Variants in ADCY10 observed in about 807,000 individuals in gnomAD.
ADCY10 encodes the protein adenylate cyclase 10, also known as adenylate cyclase type 10.
A neutral mutation model predicts 183.3 loss-of-function variants in ADCY10; 156 were observed. The observed-to-expected ratio is 0.85, with a 90% CI of 0.75 to 0.97. ADCY10 has a LOEUF of 0.97. Ranked by LOEUF, ADCY10 falls within the 50% of genes least tolerant of loss-of-function variation. ADCY10 has a pLI of 0.00. For missense variants in ADCY10, 1,745 were observed against 1,934.3 expected (o/e 0.90, Z 1.84); for synonymous variants, 645 against 670.0 (o/e 0.96, Z 0.58).
chr1:167,847,747 G>A (rs1171445274), intron 19 of ADCY10, among the ~76,000 whole-genome samples: 5 of 152,056 alleles, frequency 3.3e-5, no homozygotes, highest in South Asian at 2.1e-4. Flanking sequence ...ATATAAACTC[G>A]TTTGTCATTT....
intron 18 of ADCY10, among the ~76,000 whole-genome samples, chr1:167,850,699 G>GTGTGTA (rs1665414973): frequency 6.8e-6 from 1 of 146,968 alleles, no homozygotes; most frequent in African/African-American, 2.5e-5. Context: ...GTGTGTGTGT[G>GTGTGTA]TGTGTGTGTT....
At chr1:167,828,265 G>A (rs1393212956) in intron 26 of ADCY10, among the ~76,000 whole-genome samples, 1 of 152,174 alleles carries the variant, frequency 6.6e-6, no homozygotes, top group Non-Finnish European at 1.5e-5. Flanking sequence ...GTATCCATTG[G>A]TAAACAGATT....
At chr1:167,811,916 A>G (rs1489185312) in intron 31 of ADCY10, among the ~76,000 whole-genome samples, 1 of 152,170 alleles carries the variant, frequency 6.6e-6, no homozygotes, top group Non-Finnish European at 1.5e-5. Context: ...ATCTGTCAGA[A>G]TGTAACTATT....
Position 167,809,616 on chromosome 1 carries a change from A to G in ADCY10, c.*62T>C. 6.3e-7 allele frequency: 1 copy of G among 1,580,656 alleles called. No individual in the cohort carries two copies. The highest frequency in any genetic ancestry group is 1.1e-5 in the South Asian group (1 of 90,154). The stretch of plus-strand genomic sequence containing the variant: ...ACCTGGAGTGGGCCAGCCACGGAGA[A>G]AGGTCAATAATAGATAATCACAAGG... On this transcript the variant is annotated 3_prime_UTR_variant, in exon 33 of 33. Transcript: ENST00000367851.
chr1:167,822,975 C>G (rs778997686), intron 29 of ADCY10, 33 bp downstream of exon 29: 2 of 1,592,974 alleles, frequency 1.3e-6, no homozygotes, highest in South Asian at 2.2e-5. Context: ...ATCAACACCC[C>G]CAAGTTCTTT....
chr1:167,906,619 C>G lies in ADCY10; in HGVS notation c.-58-1421G>C, dbSNP rs527278000. Among the ~76,000 whole-genome samples the G allele has an allele frequency of 5.6e-3, 673 of 119,568 alleles. 9 individuals carry two copies. The highest frequency in any genetic ancestry group is 0.022 in the African/African-American group (637 of 28,474). The allele number at this position is 119,568 out of a possible 152,430, so 78.4% of individuals were successfully genotyped here. ...TGGGCAACATAGTGAAATCCCATCT[C>G]TACAAAAAAAAAAAAAAAAAATTGC... On this transcript the variant is annotated intron_variant, in intron 1 of 32. Transcript: ENST00000367851.
intron 8 of ADCY10, among the ~76,000 whole-genome samples, chr1:167,888,390 A>G (rs1452507471): frequency 2.0e-5 from 3 of 151,982 alleles, no homozygotes; most frequent in Non-Finnish European, 4.4e-5. Flanking sequence ...CTTCCAATCT[A>G]TAAGCATGGA....
chr1:167,910,789 A>ATTC (rs1285858592), intron 1 of ADCY10, among the ~76,000 whole-genome samples: 1 of 152,186 alleles, frequency 6.6e-6, no homozygotes, highest in Non-Finnish European at 1.5e-5. Context: ...GCGTAGCTCT[A>ATTC]TTCTTCCCTC....
chr1:167,838,543 A>C (rs1389943687), intron 21 of ADCY10, among the ~76,000 whole-genome samples: 2 of 152,126 alleles, frequency 1.3e-5, no homozygotes, highest in African/African-American at 4.8e-5. Context: ...TGCCTACTTA[A>C]TTGGCTACTA....
At position 167,856,393 on chromosome 1, in the gene ADCY10, A is replaced by C; in HGVS notation, c.1943T>G (p.Phe648Cys). ...RIIFIIDEAQ[F>C]VDSTSWRFME... ...AAATCTCCAGGAGGTCGAATCCACA[A>C]ACTGGGCCTCATCAATGATAAAAAT... The change falls in exon 17 of 33, where the codon TTT becomes TGT. Residue 648 changes from phenylalanine (F) to cysteine (C), a missense_variant. Physicochemically the swap from Phe to Cys is radical, Grantham distance 205. Coordinates refer to ENST00000367851, the MANE Select transcript of ADCY10 (RefSeq NM_018417.6). 6.2e-7 allele frequency: 1 copy of C among 1,614,144 alleles called. No homozygotes were observed. Among genetic ancestry groups the C allele is most frequent in the Non-Finnish European group, 8.5e-7 (1 of 1,180,014 alleles).
chr1:167,904,013 T>C (rs1669635810), intron 2 of ADCY10, 22 bp from the exon 3 acceptor site: 1 of 1,543,732 alleles, frequency 6.5e-7, no homozygotes, highest in East Asian at 2.3e-5. Context: ...GTGCAGCTGG[T>C]TTCCTTGGCT....
rs774310578 is a variant in ADCY10 at position 167,901,804 on chromosome 1, A to G, written c.294T>C (p.Gly98=). The change falls in exon 5 of 33, where the codon GGT becomes GGC. Residue 98 remains glycine (G), a splice_region_variant and synonymous_variant. Transcript: ENST00000367851. ...CCCTCCACAGGGCTAGCAGTGCATC[A>G]CCTTCAGAGAGAGACATGCCGCGGG... ...IFGGDILKFA[G]DALLALWRVE... is the part of the protein sequence containing the mutation. 2 of 1,614,148 alleles carry G rather than the reference A, an allele frequency of 1.2e-6. No homozygotes were observed. The highest frequency in any genetic ancestry group is 1.1e-5 in the South Asian group (1 of 91,082).
intron 13 of ADCY10, 104 bp from the exon 14 acceptor site, chr1:167,870,514 C>T (rs1006953119): frequency 5.7e-5 from 61 of 1,065,200 alleles, no homozygotes; most frequent in Admixed American, 1.0e-4. Context: ...ATCCTTGGGC[C>T]AGGCGCTGTG....
chr1:167,865,247 T>A (rs1277305426), intron 14 of ADCY10, among the ~76,000 whole-genome samples: 1 of 152,168 alleles, frequency 6.6e-6, no homozygotes, highest in Admixed American at 6.5e-5. Context: ...GTTAAAAAAA[T>A]TATTGTTTTG....
intron 13 of ADCY10, among the ~76,000 whole-genome samples, chr1:167,873,223 G>A (rs760033355): frequency 9.2e-5 from 14 of 152,180 alleles, no homozygotes; most frequent in Non-Finnish European, 1.9e-4. Flanking sequence ...TGAGGAGGGT[G>A]AGAGTGGGTA....
intron 25 of ADCY10, among the ~76,000 whole-genome samples, chr1:167,831,942 T>C (rs1473661496): frequency 1.3e-5 from 2 of 152,128 alleles, no homozygotes; most frequent in Non-Finnish European, 2.9e-5. Flanking sequence ...CCCTTCCTCT[T>C]GGGGTTTCCA....
At position 167,810,863 on chromosome 1, in the gene ADCY10, T is replaced by A. The variant is rs1662162413; in HGVS notation, c.4533A>T (p.Pro1511=). The A allele has an allele frequency of 3.1e-6, 5 of 1,614,026 alleles. No individual in the cohort carries two copies. In the East Asian group the frequency reaches 6.7e-5, roughly 22 times the overall value. Residue 1511 remains proline, a synonymous_variant, in exon 32 of 33, where the codon CCA becomes CCT. Transcript: ENST00000367851. ...CGTAAGCCATCAGGTGGTAGAGCCT[T>A]GGGCAAAAGACAGGGCCAGTGGTAT... The part of the protein sequence containing the change: ...AQNTTGPVFC[P]RLYHLMAYVC...
At position 167,836,510 on chromosome 1, in the gene ADCY10, A is replaced by C; in HGVS notation, c.3108T>G (p.Asn1036Lys). The C allele has an allele frequency of 6.2e-7, 1 of 1,612,970 alleles. No individual in the cohort carries two copies. The highest frequency in any genetic ancestry group is 8.5e-7 in the Non-Finnish European group (1 of 1,178,952). The change falls in exon 23 of 33, where the codon AAT (asparagine) becomes AAG (lysine). Residue 1036 changes from asparagine (N) to lysine (K), a missense_variant. Asn to Lys is a moderately conservative substitution (Grantham distance 94, BLOSUM62 0). Transcript: ENST00000367851. ...TTTTTGTTAAAACGTGGTCAAAGAA[A>C]TTCAAGATCTTTTCTCTTATTTCTT... ...SPEEIREKIL[N>K]FFDHVLTKMK...
chr1:167,880,287 G>A (rs1377695799), intron 10 of ADCY10, 96 bp from the exon 11 acceptor site: 4 of 1,193,416 alleles, frequency 3.4e-6, no homozygotes, highest in Non-Finnish European at 4.9e-6. Flanking sequence ...GGTTGGGAAA[G>A]GGTGGGAAAG....
Sources: allele counts gnomAD v4.1 joint callset (sites outside exome capture counted in the v4.1 genomes callset), GRCh38; gene constraint gnomAD v4.1.1; transcripts MANE v1.5; gene names NCBI Gene and HGNC (gene_info 2026-07-23, HGNC 2026-07-21).